COQ8A: variants seen among roughly 807,000 people sequenced by gnomAD.
COQ8A encodes the protein atypical kinase COQ8A, mitochondrial.
In COQ8A, 51 loss-of-function variants were observed where a neutral mutation model predicts 65.0. The observed-to-expected ratio is 0.78, with a 90% CI of 0.63 to 0.99. COQ8A has a LOEUF of 0.99. Among genes scored for constraint, COQ8A ranks in the 50% least tolerant of loss-of-function variants. The probability of loss-of-function intolerance (pLI) is 0.00; values close to 1 mark genes in which losing one functional copy is unlikely to be tolerated. For missense variants in COQ8A, 940 were observed against 875.0 expected, an observed-to-expected ratio of 1.07 and a Z score of -0.94; for synonymous variants, 371 against 353.2, an observed-to-expected ratio of 1.05 and a Z score of -0.57.
At chr1:226,971,556 G>A (rs530545123) in intron 4 of COQ8A, among the ~76,000 whole-genome samples, 4,304 of 149,480 alleles carry the variant, frequency 0.029, 237 homozygotes, top group African/African-American at 0.1. Context: ...AAAAGAAAAA[G>A]AAAAAAAAGA....
Position 226,985,253 on chromosome 1 carries a change from G to C in COQ8A, c.1573-1G>C. The C allele has an allele frequency of 6.2e-7, 1 of 1,613,524 alleles. No individual in the cohort carries two copies. Among genetic ancestry groups the C allele is most frequent in the Admixed American group, 1.7e-5 (1 of 60,028 alleles). On this transcript the variant is annotated splice_acceptor_variant, in intron 13 of 14. Coordinates refer to ENST00000366777, the MANE Select transcript of COQ8A (RefSeq NM_020247.5). LOFTEE classifies it high-confidence loss of function. ...CGGTCCCCTCCTGTGCCTCTCCCCA[G>C]ATCATCAGGGCTGCTGCCGACAGGG... is the stretch of plus-strand genomic sequence containing the variant.
rs1660186268 is a variant in COQ8A at position 226,987,486 on chromosome 1, C to CTT, written c.*750_*751dup. ...AGGCGCTGTGAATTTTTGTACAAGTCTTGTAATTATCGAATCAACAACTTG... is the reference window on the plus strand; with the variant it reads ...AGGCGCTGTGAATTTTTGTACAAGTCTTTTGTAATTATCGAATCAACAACTTG... On this transcript the variant is annotated 3_prime_UTR_variant, in exon 15 of 15. Transcript: ENST00000366777. The CTT allele has an allele frequency of 6.6e-6, 1 of 152,298 alleles. No individual in the cohort carries two copies. The allele number at this position is 152,298 out of a possible 1,614,324, so 9.4% of individuals were successfully genotyped here.
At chr1:226,970,897 G>A (rs992970679) in intron 4 of COQ8A, among the ~76,000 whole-genome samples, 2 of 151,482 alleles carry the variant, frequency 1.3e-5, no homozygotes, top group East Asian at 1.9e-4. Flanking sequence ...CTCTCTTACA[G>A]TGTAGTCTGT....
Position 226,947,573 on chromosome 1 carries a change from G to A in COQ8A, c.-10+7174G>A, listed in dbSNP as rs191890092. Reference sequence around the variant, plus strand: ...TATAATCCCAGCACTTTGGGAGGCCGAGGTGGGCAGATCACTTGAGGTCGG... The same window carrying A: ...TATAATCCCAGCACTTTGGGAGGCCAAGGTGGGCAGATCACTTGAGGTCGG... On this transcript the variant is annotated intron_variant, in intron 1 of 14. Coordinates refer to ENST00000366777, the MANE Select transcript of COQ8A (RefSeq NM_020247.5). Among the ~76,000 whole-genome samples the A allele has an allele frequency of 3.7e-3, 567 of 152,266 alleles. 3 individuals are homozygous for A. The highest frequency in any genetic ancestry group is 0.013 in the African/African-American group (543 of 41,544).
At chr1:226,957,948 G>A (rs556344488) in intron 1 of COQ8A, 26 of 152,290 alleles carry the variant, frequency 1.7e-4, no homozygotes, top group African/African-American at 6.3e-4. Context: ...CCCTCCTGTG[G>A]TGGGAACACA....
intron 4 of COQ8A, among the ~76,000 whole-genome samples, chr1:226,966,907 A>G (rs545559738): frequency 1.2e-4 from 18 of 152,132 alleles, no homozygotes; most frequent in Non-Finnish European, 2.4e-4. Flanking sequence ...CCCCCTCTCC[A>G]AGGTGCTGAG....
intron 1 of COQ8A, among the ~76,000 whole-genome samples, chr1:226,948,012 G>A (rs193245722): frequency 6.6e-6 from 1 of 152,280 alleles, no homozygotes; most frequent in Admixed American, 6.5e-5. Context: ...AATTATTCTA[G>A]AATACAGCCC....
intron 5 of COQ8A, among the ~76,000 whole-genome samples, chr1:226,978,932 C>A (rs962335474): frequency 6.6e-6 from 1 of 150,588 alleles, no homozygotes; most frequent in Admixed American, 6.6e-5. Context: ...TCCACACACC[C>A]ACCACACACC....
At chr1:226,982,373 G>A in intron 6 of COQ8A, 1 of 673,406 alleles carries the variant, frequency 1.5e-6, no homozygotes. Flanking sequence ...TCTACAGGTG[G>A]TCAGAACACA....
chr1:226,973,021 C>T (rs964695068), intron 4 of COQ8A, among the ~76,000 whole-genome samples: 1 of 152,172 alleles, frequency 6.6e-6, no homozygotes, highest in African/African-American at 2.4e-5. Context: ...GCTGTTGGAC[C>T]CTTTGGCTGG....
intron 1 of COQ8A, among the ~76,000 whole-genome samples, chr1:226,948,246 G>A (rs1225214953): frequency 6.6e-6 from 1 of 152,214 alleles, no homozygotes; most frequent in Non-Finnish European, 1.5e-5. Flanking sequence ...CCTAGAGGCT[G>A]CCTGCATTCC....
chr1:226,978,333 ATCC>A (rs1238198514), intron 5 of COQ8A, among the ~76,000 whole-genome samples: 7 of 118,006 alleles, frequency 5.9e-5, no homozygotes, highest in African/African-American at 1.3e-4. Context: ...ACACCTCTTT[ATCC>A]TCCACCCACC....
intron 1 of COQ8A, among the ~76,000 whole-genome samples, chr1:226,950,579 G>A (rs905935945): frequency 1.3e-5 from 2 of 152,174 alleles, no homozygotes; most frequent in African/African-American, 4.8e-5. Context: ...GAAAATGATT[G>A]AGTTAATACA....
chr1:226,983,643 T>A lies in COQ8A; in HGVS notation c.1162+10T>A. The A allele has an allele frequency of 6.2e-7, 1 of 1,613,794 alleles. No homozygotes were observed. Among genetic ancestry groups the A allele is most frequent in the Non-Finnish European group, 8.5e-7 (1 of 1,179,912 alleles). On this transcript the variant is annotated intron_variant, in intron 9 of 14. Coordinates refer to ENST00000366777, the MANE Select transcript of COQ8A (RefSeq NM_020247.5). The stretch of plus-strand genomic sequence containing the variant: ...AACATGCTTCCAGAAGGTCTGAGGC[T>A]AGGTGGTTGGGTCAAGGGCAGGAGT...
chr1:226,958,635 C>CT (rs1657959642), intron 1 of COQ8A, among the ~76,000 whole-genome samples: 1 of 152,186 alleles, frequency 6.6e-6, no homozygotes, highest in South Asian at 2.1e-4. Flanking sequence ...CTCCGGTTGA[C>CT]TTTTTATTTT....
chr1:226,953,809 T>C (rs1657528828), intron 1 of COQ8A, among the ~76,000 whole-genome samples: 1 of 152,228 alleles, frequency 6.6e-6, no homozygotes, highest in Non-Finnish European at 1.5e-5. Context: ...GTTTGAGTGA[T>C]GCTCCCTGGT....
At position 226,972,061 on chromosome 1, in the gene COQ8A, A is replaced by G. The variant is rs1376686762; in HGVS notation, c.656-5388A>G. ...TTTTCCATTTATCCTTCAGTCTTGC[A>G]GGTTTAGAGGAGATGACTTATCTCC... On this transcript the variant is annotated intron_variant, in intron 4 of 14. Coordinates refer to ENST00000366777, the MANE Select transcript of COQ8A (RefSeq NM_020247.5). This position sits in a 1 kb window ranked among gnomAD's most constrained non-coding sequence, Gnocchi z 4.3. 6.6e-6 allele frequency among the ~76,000 whole-genome samples: 1 copy of G among 152,074 alleles called. No homozygotes were observed. The highest frequency in any genetic ancestry group is 2.4e-5 in the African/African-American group (1 of 41,406).
chr1:226,982,661 A>G lies in COQ8A; in HGVS notation c.854-17A>G. 1 of 1,612,442 alleles carries G rather than the reference A, an allele frequency of 6.2e-7. No individual in the cohort carries two copies. The highest frequency in any genetic ancestry group is 1.7e-5 in the Admixed American group (1 of 60,024). ...TTAATCCCCAGGTTCGCCCTGTGTC[A>G]TTCTCCTGCCTTCCAGATGATGCCT... On this transcript the variant is annotated splice_polypyrimidine_tract_variant and intron_variant, in intron 6 of 14. Transcript: ENST00000366777.
intron 1 of COQ8A, among the ~76,000 whole-genome samples, chr1:226,955,553 T>C (rs1657658357): frequency 2.8e-5 from 1 of 36,036 alleles, no homozygotes; most frequent in Non-Finnish European, 5.1e-5. Context: ...GTTCACACTC[T>C]CCCTGGCTCC....
Sources: gnomAD v4.1 joint callset for allele counts (sites outside exome capture counted in the v4.1 genomes callset) on GRCh38, gnomAD v4.1.1 for gene constraint, Gnocchi (gnomAD v3.1) non-coding constraint, MANE v1.5 for transcripts, NCBI Gene and HGNC (gene_info 2026-07-23, HGNC 2026-07-21) for gene names.